The following BID variants were observed in gnomAD, a reference collection of about 807,000 sequenced individuals.
BID encodes BH3 interacting domain death agonist.
BID carries 19 observed loss-of-function variants against 17.4 expected under a neutral mutation model. The ratio of observed to expected loss-of-function variants is 1.09; its 90% confidence interval spans 0.76 to 1.60. The LOEUF (loss-of-function observed/expected upper bound fraction) is 1.60. BID is among the 40% of genes most tolerant of loss of function. The pLI, the probability that BID is intolerant of heterozygous loss-of-function variation, is 0.00. For synonymous variants in BID, 108 were observed against 102.8 expected, an observed-to-expected ratio of 1.05 and a Z score of -0.31; for missense variants, 226 against 256.0, an observed-to-expected ratio of 0.88 and a Z score of 0.80.
chr22:17,742,308 T>G (rs2061465160), intron 3 of BID, among the ~76,000 whole-genome samples: 3 of 152,220 alleles, frequency 2.0e-5, no homozygotes, highest in Non-Finnish European at 4.4e-5. Context: ...CAGGGCAGAC[T>G]GGGGCTACAG....
chr22:17,750,657 T>C (rs1291410307), intron 1 of BID, among the ~76,000 whole-genome samples: 2 of 151,940 alleles, frequency 1.3e-5, no homozygotes, highest in Non-Finnish European at 2.9e-5. Context: ...TGAAACCCTG[T>C]CTCTACTAAA....
intron 1 of BID, among the ~76,000 whole-genome samples, chr22:17,753,507 G>A (rs2061557285): frequency 6.6e-6 from 1 of 152,212 alleles, no homozygotes; most frequent in South Asian, 2.1e-4. Context: ...GTCAACTTTA[G>A]GTGGAGCACC....
intron 2 of BID, among the ~76,000 whole-genome samples, chr22:17,748,148 G>T (rs1445293037): frequency 5.3e-5 from 8 of 150,402 alleles, no homozygotes; most frequent in Admixed American, 5.3e-4. Flanking sequence ...GGCGGAGCTG[G>T]CAGTGAGCGG....
At chr22:17,747,791 G>A (rs1342299270) in intron 2 of BID, among the ~76,000 whole-genome samples, 1 of 152,126 alleles carries the variant, frequency 6.6e-6, no homozygotes, top group Non-Finnish European at 1.5e-5. Context: ...GGAAAAGATG[G>A]TGCTGGCCGG....
chr22:17,754,497 T>C (rs2061566938), intron 1 of BID, among the ~76,000 whole-genome samples: 1 of 152,258 alleles, frequency 6.6e-6, no homozygotes, highest in Admixed American at 6.5e-5. Context: ...GATGCCAGCT[T>C]TGCTTCTGAG....
intron 5 of BID, among the ~76,000 whole-genome samples, chr22:17,737,103 C>T (rs1475422858): frequency 6.6e-6 from 1 of 152,030 alleles, no homozygotes; most frequent in East Asian, 1.9e-4. Flanking sequence ...CCGCGCCTGG[C>T]CCTCAGCTAA....
chr22:17,770,840 G>A (rs756162898), intron 1 of BID, among the ~76,000 whole-genome samples: 1 of 152,190 alleles, frequency 6.6e-6, no homozygotes, highest in African/African-American at 2.4e-5. Context: ...ATAGAAGCGG[G>A]CTGAGCCACA....
At chr22:17,739,211 A>G in intron 4 of BID, 138 bp downstream of exon 4, 1 of 1,158,900 alleles carries the variant, frequency 8.6e-7, no homozygotes, top group Non-Finnish European at 1.2e-6. Context: ...CCCTACGTCC[A>G]GTTACTTCGT....
intron 1 of BID, among the ~76,000 whole-genome samples, chr22:17,756,403 CTT>C (rs2061583832): frequency 1.4e-5 from 1 of 71,070 alleles, no homozygotes; most frequent in East Asian, 6.0e-4. Flanking sequence ...TCTTTCTTTT[CTT>C]TTTTCTCTTT....
intron 2 of BID, among the ~76,000 whole-genome samples, chr22:17,746,855 C>T (rs545209096): frequency 6.6e-6 from 1 of 152,080 alleles, no homozygotes; most frequent in African/African-American, 2.4e-5. Flanking sequence ...CCTCTAGAAC[C>T]GGGAGGGGAT....
chr22:17,735,771 C>CCTTCTTGGGCAGCATTGTGAACACTGTAT (rs1569035827), intron 5 of BID, among the ~76,000 whole-genome samples, 180 bp from the exon 6 acceptor site: 2 of 152,162 alleles, frequency 1.3e-5, no homozygotes, highest in East Asian at 1.9e-4. Context: ...AAAAACAGGC[C>CCTTCTTGGGCAGCATTGTGAACACTGTAT]GTTCAGGCGG....
intron 3 of BID, among the ~76,000 whole-genome samples, chr22:17,742,727 T>A (rs995325596): frequency 6.6e-5 from 10 of 152,236 alleles, no homozygotes; most frequent in Non-Finnish European, 1.5e-4. Flanking sequence ...AACAGCCTGA[T>A]GCAGGCAGCT....
At chr22:17,766,346 A>T (rs2061678632) in intron 1 of BID, among the ~76,000 whole-genome samples, 1 of 141,824 alleles carries the variant, frequency 7.1e-6, no homozygotes, top group South Asian at 2.2e-4. Context: ...CAGTGGCGCG[A>T]TCTCAGCTCA....
At chr22:17,737,103 C>G (rs1475422858) in intron 5 of BID, among the ~76,000 whole-genome samples, 2 of 152,030 alleles carry the variant, frequency 1.3e-5, no homozygotes, top group African/African-American at 4.8e-5. Context: ...CCGCGCCTGG[C>G]CCTCAGCTAA....
At chr22:17,766,086 G>A (rs565666241) in intron 1 of BID, among the ~76,000 whole-genome samples, 27 of 152,066 alleles carry the variant, frequency 1.8e-4, no homozygotes, top group Admixed American at 4.6e-4. Flanking sequence ...CACCATGCCC[G>A]GCTAATCTTT....
chr22:17,751,594 CAG>C (rs1330508771), intron 1 of BID, among the ~76,000 whole-genome samples: 2 of 152,114 alleles, frequency 1.3e-5, no homozygotes, highest in East Asian at 3.9e-4. Context: ...AAAAAGCAAA[CAG>C]AGGAGAAAGC....
chr22:17,739,525 T>C, intron 3 of BID, 37 bp from the exon 4 acceptor site: 1 of 1,591,080 alleles, frequency 6.3e-7, no homozygotes, highest in Non-Finnish European at 8.6e-7. Context: ...CAGAGCAGAC[T>C]CAGAAAATGT....
chr22:17,750,721 G>C (rs1167626564), intron 1 of BID, among the ~76,000 whole-genome samples: 1 of 151,998 alleles, frequency 6.6e-6, no homozygotes, highest in Admixed American at 6.6e-5. Context: ...CCAGCTACTC[G>C]GGAGGCTGAG....
chr22:17,750,983 C>T (rs192319107), intron 1 of BID, among the ~76,000 whole-genome samples: 167 of 151,884 alleles, frequency 1.1e-3, no homozygotes, highest in East Asian at 5.4e-3. Flanking sequence ...CTGCAGTGAG[C>T]GGAGATTGCA....
Sources: allele counts gnomAD v4.1 joint callset (sites outside exome capture counted in the v4.1 genomes callset), GRCh38; gene constraint gnomAD v4.1.1; transcripts MANE v1.5; gene names NCBI Gene and HGNC (gene_info 2026-07-23, HGNC 2026-07-21).